The following STARD9 variants were observed in gnomAD, a reference collection of about 807,000 sequenced individuals.
STARD9 encodes the protein StAR related lipid transfer domain containing 9.
In STARD9, 346 loss-of-function variants were observed where a neutral mutation model predicts 399.8. The observed-to-expected ratio is 0.87, with a 90% CI of 0.79 to 0.95. STARD9 has a LOEUF of 0.95. Ranked by LOEUF, STARD9 falls within the 40% of genes least tolerant of loss-of-function variation. The pLI, the probability that STARD9 is intolerant of heterozygous loss-of-function variation, is 0.00. For missense variants in STARD9, 5,832 were observed against 5,667.5 expected, an observed-to-expected ratio of 1.03 and a Z score of -0.93; for synonymous variants, 2,203 against 2,143.5, an observed-to-expected ratio of 1.03 and a Z score of -0.77.
chr15:42,588,794 TTTTTTTTTTTTTTTTTTTTTTGGAG>T, intron 3 of STARD9, among the ~76,000 whole-genome samples: 4 of 24,528 alleles, frequency 1.6e-4, no homozygotes, highest in Non-Finnish European at 3.4e-4. Context: ...TTTTTTTTTT[TTTTTTTTTTTTTTTTTTTTTTGGAG>T]TGGGGGGTGG....
chr15:42,675,869 A>G lies in STARD9; in HGVS notation c.1771-3A>G, dbSNP rs1450441357. 1.3e-6 allele frequency: 2 copies of G among 1,537,172 alleles called. No individual in the cohort carries two copies. The highest frequency in any genetic ancestry group is 8.7e-7 in the Non-Finnish European group (1 of 1,146,870). ...CCTCACTGTGCTTTCTTCCTTGTTC[A>G]AGGTTGGAGAGGCTGCTGCTGGTCG... On this transcript the variant is annotated splice_polypyrimidine_tract_variant and splice_region_variant and intron_variant, in intron 19 of 32. Transcript: ENST00000290607.
In STARD9 at chr15:42,646,678, T is replaced by C. The variant is rs377418800; in HGVS notation, c.560-4338T>C. Among the ~76,000 whole-genome samples, 6 of 152,380 alleles carry C rather than the reference T, an allele frequency of 3.9e-5. No homozygotes were observed. In the East Asian group the frequency reaches 1.2e-3, roughly 29 times the overall value. On this transcript the variant is annotated intron_variant, in intron 7 of 32. Transcript: ENST00000290607. ...CTTCATATCAGCAAGAAGGCTGTTT[T>C]GTTTTCTTATCGTTCATGTGTTCAC... is the stretch of plus-strand genomic sequence containing the variant.
intron 3 of STARD9, among the ~76,000 whole-genome samples, chr15:42,607,194 CTTTTTTTTTTTTT>C (rs763484090): frequency 1.5e-4 from 6 of 39,266 alleles, no homozygotes; most frequent in Admixed American, 5.1e-4. Flanking sequence ...TTTTCTGGTG[CTTTTTTTTTTTTT>C]TTTTTTTTTT....
chr15:42,688,987 T>C lies in STARD9; in HGVS notation c.7409T>C (p.Val2470Ala). 1.3e-6 allele frequency: 2 copies of C among 1,537,288 alleles called. No homozygotes were observed. Among genetic ancestry groups the C allele is most frequent in the Non-Finnish European group, 1.7e-6 (2 of 1,146,916 alleles). ...EDFASEAEVAVQKEIRVSSLN... is the reference protein window; with the variant it reads ...EDFASEAEVAAQKEIRVSSLN... ...TTTGCTTCTGAAGCCGAGGTGGCTG[T>C]ACAAAAAGAAATAAGAGTCAGTTCA... The change falls in exon 23 of 33, where the codon GTA (valine) becomes GCA (alanine). Residue 2470 changes from valine to alanine, a missense_variant. Physicochemically the swap from Val to Ala is moderately conservative, Grantham distance 64 (BLOSUM62 0). This residue lies in a region of STARD9 where 5,828 missense variants were observed against 5,651.1 expected (regional missense o/e 1.03). Transcript: ENST00000290607.
chr15:42,598,006 G>A (rs1319052527), intron 3 of STARD9, among the ~76,000 whole-genome samples: 5 of 143,664 alleles, frequency 3.5e-5, no homozygotes, highest in South Asian at 2.3e-4. Flanking sequence ...ATATATGTGT[G>A]TGTGTGTGTG....
intron 1 of STARD9, chr15:42,581,244 A>G (rs767201407): frequency 1.6e-5 from 13 of 814,524 alleles, no homozygotes; most frequent in Non-Finnish European, 2.7e-5. Flanking sequence ...TGCCAGGGCT[A>G]GTGACTCCCG....
intron 30 of STARD9, 32 bp from the exon 31 acceptor site, chr15:42,718,403 C>T (rs1467586365): frequency 1.3e-6 from 2 of 1,512,944 alleles, no homozygotes; most frequent in Non-Finnish European, 1.8e-6. Flanking sequence ...TGTCCATGGG[C>T]CTCCTGACCT....
intron 3 of STARD9, among the ~76,000 whole-genome samples, chr15:42,615,281 T>G (rs916506541): frequency 1.3e-5 from 2 of 152,070 alleles, no homozygotes; most frequent in Non-Finnish European, 2.9e-5. Flanking sequence ...AGTGCTGGGA[T>G]TACAGGCATG....
intron 1 of STARD9, among the ~76,000 whole-genome samples, chr15:42,577,404 G>C (rs904664906): frequency 7.2e-5 from 11 of 152,134 alleles, no homozygotes; most frequent in South Asian, 2.1e-4. Flanking sequence ...CTGCCCGCCT[G>C]GGCCTCCCAA....
At chr15:42,678,190 G>A (rs115593137) in intron 20 of STARD9, among the ~76,000 whole-genome samples, 4,425 of 152,302 alleles carry the variant, frequency 0.029, 184 homozygotes, top group African/African-American at 0.09. Flanking sequence ...AAAGGGACCA[G>A]GGAGAGGAAC....
Position 42,692,948 on chromosome 15 carries a change from A to C in STARD9, c.11370A>C (p.Thr3790=), listed in dbSNP as rs1263438386. The C allele has an allele frequency of 2.3e-5, 36 of 1,537,132 alleles. No individual in the cohort carries two copies. The highest frequency in any genetic ancestry group is 3.1e-5 in the Non-Finnish European group (35 of 1,146,912). ...GVPQKREAEE[T]AQKMAQLLYL... is the part of the protein sequence containing the mutation. ...CTCAGAAGAGAGAGGCAGAGGAAAC[A>C]GCACAGAAAATGGCTCAGCTCCTCT... Residue 3790 remains threonine (T), a synonymous_variant, in exon 23 of 33, where the codon ACA becomes ACC. Transcript: ENST00000290607.
At chr15:42,699,849 A>G (rs935869842) in intron 26 of STARD9, among the ~76,000 whole-genome samples, 3 of 151,528 alleles carry the variant, frequency 2.0e-5, no homozygotes, top group African/African-American at 7.3e-5. Flanking sequence ...TAGAATTACA[A>G]GCGCCCACCA....
chr15:42,626,336 T>TTCTTCC (rs541382405), intron 3 of STARD9, among the ~76,000 whole-genome samples: 1 of 148,570 alleles, frequency 6.7e-6, no homozygotes, highest in South Asian at 2.2e-4. Flanking sequence ...CCTCTTCCTC[T>TTCTTCC]TCTTCCTCTT....
At chr15:42,697,393 G>T (rs1292661864) in intron 26 of STARD9, among the ~76,000 whole-genome samples, 1 of 152,112 alleles carries the variant, frequency 6.6e-6, no homozygotes, top group Non-Finnish European at 1.5e-5. Flanking sequence ...TAGCTACCAT[G>T]CCTGGCCTTC....
Position 42,687,197 on chromosome 15 carries a change from A to T in STARD9, c.5619A>T (p.Val1873=). ...TKVCEFENQV[V]ILNKKHSFPA... Reference sequence around the variant, plus strand: ...TATGTGAATTTGAAAACCAAGTTGTAATTTTAAATAAAAAACACAGTTTTC... The same window carrying T: ...TATGTGAATTTGAAAACCAAGTTGTTATTTTAAATAAAAAACACAGTTTTC... The change falls in exon 23 of 33, where the codon GTA becomes GTT. Residue 1873 remains valine, a synonymous_variant. Transcript: ENST00000290607. 6.5e-7 allele frequency: 1 copy of T among 1,537,388 alleles called. No homozygotes were observed. The highest frequency in any genetic ancestry group is 2.4e-5 in the East Asian group (1 of 40,926).
At position 42,690,524 on chromosome 15, in the gene STARD9, A is replaced by G; in HGVS notation, c.8946A>G (p.Leu2982=). 3 of 1,537,150 alleles carry G rather than the reference A, an allele frequency of 2.0e-6. No individual in the cohort carries two copies. Among genetic ancestry groups the G allele is most frequent in the Non-Finnish European group, 2.6e-6 (3 of 1,146,886 alleles). Residue 2982 remains leucine, a synonymous_variant, in exon 23 of 33, where the codon CTA becomes CTG. Coordinates refer to ENST00000290607, the MANE Select transcript of STARD9 (RefSeq NM_020759.3). Reference sequence around the variant, plus strand: ...TACTGTGTTTTAGAGATGGTGACCTAGGGAAGGAGCCTTTCAAGGCTGCCC... The same window carrying G: ...TACTGTGTTTTAGAGATGGTGACCTGGGGAAGGAGCCTTTCAAGGCTGCCC... The part of the protein sequence containing the change: ...STLLCFRDGD[L]GKEPFKAAPH...
rs1206579737 is a variant in STARD9, at chr15:42,689,956, A to G, written c.8378A>G (p.Tyr2793Cys). 3 of 1,537,666 alleles carry G rather than the reference A, an allele frequency of 2.0e-6. No individual in the cohort carries two copies. The highest frequency in any genetic ancestry group is 2.6e-6 in the Non-Finnish European group (3 of 1,147,026). Residue 2793 changes from tyrosine (Y) to cysteine (C), a missense_variant, in exon 23 of 33, where the codon TAT (tyrosine) becomes TGT (cysteine). This residue lies in a region of STARD9 where 5,828 missense variants were observed against 5,651.1 expected (regional missense o/e 1.03). Coordinates refer to ENST00000290607, the MANE Select transcript of STARD9 (RefSeq NM_020759.3). ...HQEPRTLDTTYGEVSDNLLVT... is the reference protein window; with the variant it reads ...HQEPRTLDTTCGEVSDNLLVT... Reference sequence around the variant, plus strand: ...GAACCCAGAACTCTAGACACCACATATGGAGAAGTTTCAGATAATTTGTTA... The same window carrying G: ...GAACCCAGAACTCTAGACACCACATGTGGAGAAGTTTCAGATAATTTGTTA...
At position 42,637,817 on chromosome 15, in the gene STARD9, C is replaced by T. The variant is rs2059447186; in HGVS notation, c.352-90C>T. 3 of 1,344,006 alleles carry T rather than the reference C, an allele frequency of 2.2e-6. No individual in the cohort carries two copies. The African/African-American group carries it at 4.3e-5, about 19-fold the overall frequency. The allele number at this position is 1,344,006 out of a possible 1,614,324, so 83.3% of individuals were successfully genotyped here. Reference sequence around the variant, plus strand: ...TAGCACAAGGAGTCCATGCACTCATCCCCCATGCTGAGGATGGTTCCTGGG... The same window carrying T: ...TAGCACAAGGAGTCCATGCACTCATTCCCCATGCTGAGGATGGTTCCTGGG... On this transcript the variant is annotated intron_variant, in intron 4 of 32. Coordinates refer to ENST00000290607, the MANE Select transcript of STARD9 (RefSeq NM_020759.3).
At chr15:42,650,925 T>G (rs1173160449) in intron 7 of STARD9, 91 bp from the exon 8 acceptor site, 7 of 849,684 alleles carry the variant, frequency 8.2e-6, no homozygotes, top group Non-Finnish European at 1.0e-5. Flanking sequence ...TTAAACAATA[T>G]GAAATAGGAA....
Sources: gnomAD v4.1 joint callset for allele counts (sites outside exome capture counted in the v4.1 genomes callset) on GRCh38, gnomAD v4.1.1 for gene constraint, gnomAD v4.1.1 regional missense constraint, MANE v1.5 for transcripts, NCBI Gene and HGNC (gene_info 2026-07-23, HGNC 2026-07-21) for gene names.